The following PTPRD variants were observed in gnomAD, a reference collection of about 807,000 sequenced individuals.
PTPRD encodes the protein receptor-type tyrosine-protein phosphatase delta.
PTPRD carries 34 observed loss-of-function variants against 214.5 expected under a neutral mutation model. The observed-to-expected ratio is 0.16, with a 90% CI of 0.12 to 0.21. The LOEUF (loss-of-function observed/expected upper bound fraction) is 0.21, where lower values mean the gene tolerates loss of function less well. Among genes scored for constraint, PTPRD ranks in the 10% least tolerant of loss-of-function variants. The pLI is 1.00. For synonymous variants in PTPRD, 1,128 were observed against 845.7 expected (o/e 1.33, Z -5.79); for missense variants, 2,545 against 2,398.7 (o/e 1.06, Z -1.27).
chr9:9,662,347 G>C lies in PTPRD; in HGVS notation c.-287+72186C>G, dbSNP rs572412975. ...CCTTAGGTAGTTAACTTGGAAAACT[G>C]CACTTGCATTTCCTGAAGGAATGTA... is the stretch of plus-strand genomic sequence containing the variant. On this transcript the variant is annotated intron_variant, in intron 7 of 45. Coordinates refer to ENST00000381196, the MANE Select transcript of PTPRD (RefSeq NM_002839.4). Among the ~76,000 whole-genome samples, 380 of 151,744 alleles carry C rather than the reference G, an allele frequency of 2.5e-3. 2 individuals are homozygous for C. Among genetic ancestry groups the C allele is most frequent in the African/African-American group, 8.6e-3 (358 of 41,506 alleles).
chr9:8,480,829 C>T (rs1204220110), intron 30 of PTPRD, among the ~76,000 whole-genome samples: 2 of 152,110 alleles, frequency 1.3e-5, no homozygotes, highest in African/African-American at 2.4e-5. Context: ...ACTCCATTCT[C>T]ATTTTCAGAT....
chr9:9,478,585 A>G (rs2095233173), intron 8 of PTPRD, among the ~76,000 whole-genome samples: 1 of 152,194 alleles, frequency 6.6e-6, no homozygotes, highest in African/African-American at 2.4e-5. Flanking sequence ...ATTTAGATCT[A>G]ACCATTTATT....
At position 9,356,647 on chromosome 9, in the gene PTPRD, ATGT is replaced by A. The variant is rs1174948970; in HGVS notation, c.-203+40799_-203+40801del. ...GTAGGAATATACAAGAAGGTTAATT[ATGT>A]TTATCAGAAGCTGCATCTTGAAGAA... On this transcript the variant is annotated intron_variant, in intron 9 of 45. Transcript: ENST00000381196. 2.0e-5 allele frequency among the ~76,000 whole-genome samples: 3 copies of A among 151,586 alleles called. No individual in the cohort carries two copies. The East Asian group carries it at 5.9e-4, about 30-fold the overall frequency.
At chr9:10,117,759 T>G (rs149662430) in intron 3 of PTPRD, among the ~76,000 whole-genome samples, 2 of 151,942 alleles carry the variant, frequency 1.3e-5, no homozygotes, top group African/African-American at 4.8e-5. Context: ...TGTTTTTTGG[T>G]GAAACAATTC....
intron 3 of PTPRD, among the ~76,000 whole-genome samples, chr9:10,203,722 A>T (rs2099446664): frequency 6.6e-6 from 1 of 152,186 alleles, no homozygotes; most frequent in Non-Finnish European, 1.5e-5. Context: ...CACATACCTA[A>T]AATGGAAAAA....
Position 8,341,175 on chromosome 9 carries a change from A to G in PTPRD, c.5041T>C (p.Tyr1681His), listed in dbSNP as rs759637903. The part of the protein sequence containing the change: ...FKNRLVNIMP[Y>H]ESTRVCLQPI... ...TGCAGGCATACCCTTGTGGATTCAT[A>G]TGGCATAATATTAACAAGGCGATTT... is the stretch of plus-strand genomic sequence containing the variant. Residue 1681 changes from tyrosine (Y) to histidine (H), a missense_variant, in exon 41 of 46, where the codon TAT becomes CAT. Coordinates refer to ENST00000381196, the MANE Select transcript of PTPRD (RefSeq NM_002839.4). The G allele has an allele frequency of 1.2e-6, 2 of 1,613,084 alleles. No homozygotes were observed. The highest frequency in any genetic ancestry group is 1.7e-5 in the Admixed American group (1 of 59,910).
intron 11 of PTPRD, among the ~76,000 whole-genome samples, chr9:8,843,474 C>T (rs1325581734): frequency 6.6e-6 from 1 of 152,058 alleles, no homozygotes; most frequent in Non-Finnish European, 1.5e-5. Context: ...CTAGGGCTGT[C>T]TAATACAACT....
chr9:10,418,446 T>TAC (rs3076350), intron 2 of PTPRD, among the ~76,000 whole-genome samples: 8,364 of 124,590 alleles, frequency 0.067, 329 homozygotes, highest in Middle Eastern at 0.082. Flanking sequence ...CCTTCCCCTC[T>TAC]ACACACACAC....
At chr9:9,731,716 A>T (rs1264990470) in intron 7 of PTPRD, among the ~76,000 whole-genome samples, 3 of 152,186 alleles carry the variant, frequency 2.0e-5, no homozygotes, top group African/African-American at 7.2e-5. Flanking sequence ...AGGACAAAAA[A>T]CCGAACACCG....
intron 9 of PTPRD, among the ~76,000 whole-genome samples, chr9:9,198,609 C>T (rs976382817): frequency 6.6e-6 from 1 of 151,978 alleles, no homozygotes; most frequent in African/African-American, 2.4e-5. Context: ...TGAGATTTGG[C>T]ATTTCAATGT....
In PTPRD at chr9:8,517,877, C is replaced by A; in HGVS notation, c.1514G>T (p.Ser505Ile). The A allele has an allele frequency of 6.2e-7, 1 of 1,613,956 alleles. No homozygotes were observed. Among genetic ancestry groups the A allele is most frequent in the Non-Finnish European group, 8.5e-7 (1 of 1,179,898 alleles). Reference sequence around the variant, plus strand: ...TGTCTGAGTGATGACTTGTATGTCACTTGAAAGGGGACCATCTCCAATTGA... The same window carrying A: ...TGTCTGAGTGATGACTTGTATGTCAATTGAAAGGGGACCATCTCCAATTGA... ...FTSIGDGPLS[S>I]DIQVITQTGV... is the part of the protein sequence containing the mutation. Residue 505 changes from serine (S) to isoleucine (I), a missense_variant, in exon 21 of 46, where the codon AGT becomes ATT. Physicochemically the swap from Ser to Ile is moderately radical, Grantham distance 142. Coordinates refer to ENST00000381196, the MANE Select transcript of PTPRD (RefSeq NM_002839.4).
chr9:8,826,365 T>C (rs568713768), intron 11 of PTPRD, among the ~76,000 whole-genome samples: 1 of 152,318 alleles, frequency 6.6e-6, no homozygotes, highest in African/African-American at 2.4e-5. Context: ...TCTCCTATTG[T>C]GCCTTAAATG....
intron 44 of PTPRD, among the ~76,000 whole-genome samples, chr9:8,321,378 C>T (rs1264819896): frequency 6.7e-6 from 1 of 150,372 alleles, no homozygotes; most frequent in African/African-American, 2.4e-5. Flanking sequence ...CTGGTTTTAT[C>T]ATCTTACTTT....
chr9:8,848,149 T>TATAA (rs2097736249), intron 11 of PTPRD, among the ~76,000 whole-genome samples: 1 of 151,932 alleles, frequency 6.6e-6, no homozygotes, highest in African/African-American at 2.4e-5. Flanking sequence ...GATAAAATTT[T>TATAA]AGAGCTGGAG....
At chr9:9,368,255 A>T (rs576945076) in intron 9 of PTPRD, among the ~76,000 whole-genome samples, 22 of 151,824 alleles carry the variant, frequency 1.4e-4, no homozygotes, top group African/African-American at 5.3e-4. Context: ...ATCTCCTTCA[A>T]CTTTACCATA....
At chr9:10,099,720 G>C (rs1308960877) in intron 3 of PTPRD, among the ~76,000 whole-genome samples, 1 of 151,390 alleles carries the variant, frequency 6.6e-6, no homozygotes, top group Non-Finnish European at 1.5e-5. Flanking sequence ...CGTATGTTGG[G>C]TCTGCTTTTT....
At chr9:9,052,831 A>G (rs570336838) in intron 10 of PTPRD, among the ~76,000 whole-genome samples, 1 of 152,312 alleles carries the variant, frequency 6.6e-6, no homozygotes, top group South Asian at 2.1e-4. Context: ...ATGGCAATAC[A>G]AAATAAAATC....
intron 3 of PTPRD, among the ~76,000 whole-genome samples, chr9:10,271,549 CTT>C (rs35231135): frequency 1.9e-5 from 1 of 51,472 alleles, no homozygotes; most frequent in Admixed American, 1.6e-4. Flanking sequence ...CTTTTCTTTT[CTT>C]TTTTTTTTTG....
intron 10 of PTPRD, among the ~76,000 whole-genome samples, chr9:9,060,098 T>C (rs550517246): frequency 6.6e-6 from 1 of 152,350 alleles, no homozygotes; most frequent in Admixed American, 6.5e-5. Context: ...ATAGCTAAAC[T>C]ATTCTTGACA....
Sources: allele counts gnomAD v4.1 joint callset (sites outside exome capture counted in the v4.1 genomes callset), GRCh38; gene constraint gnomAD v4.1.1; transcripts MANE v1.5; gene names NCBI Gene and HGNC (gene_info 2026-07-23, HGNC 2026-07-21).